The following SORCS3 variants were observed in gnomAD, a reference collection of about 807,000 sequenced individuals.
The protein encoded by SORCS3 is VPS10 domain-containing receptor SorCS3.
Under a neutral mutation model 146.3 loss-of-function variants are expected in SORCS3, and 57 were observed. The ratio of observed to expected loss-of-function variants is 0.39; its 90% confidence interval spans 0.31 to 0.49. The LOEUF (loss-of-function observed/expected upper bound fraction) is 0.49. SORCS3 is among the 20% of genes least tolerant of loss of function. The pLI is 0.92. For synonymous variants in SORCS3, 653 were observed against 618.5 expected, an observed-to-expected ratio of 1.06 and a Z score of -0.83; for missense variants, 1,341 against 1,575.5, an observed-to-expected ratio of 0.85 and a Z score of 2.52.
chr10:104,975,880 A>C (rs1011908237), intron 3 of SORCS3, among the ~76,000 whole-genome samples: 129 of 152,300 alleles, frequency 8.5e-4, no homozygotes, highest in Middle Eastern at 3.4e-3. Context: ...GAAACTGGAT[A>C]CCTTCCTTAC....
chr10:104,784,029 T>G (rs1319979106), intron 1 of SORCS3, among the ~76,000 whole-genome samples: 2 of 152,258 alleles, frequency 1.3e-5, no homozygotes, highest in African/African-American at 2.4e-5. Context: ...CTTGATCTGT[T>G]TCAGGATCTG....
At chr10:105,218,105 C>G (rs1020798878) in intron 19 of SORCS3, among the ~76,000 whole-genome samples, 1 of 152,156 alleles carries the variant, frequency 6.6e-6, no homozygotes, top group Non-Finnish European at 1.5e-5. Flanking sequence ...CCCTGGCAAA[C>G]AGTAAGCTAG....
At chr10:104,895,544 C>T (rs569582684) in intron 2 of SORCS3, among the ~76,000 whole-genome samples, 1 of 152,170 alleles carries the variant, frequency 6.6e-6, no homozygotes, top group African/African-American at 2.4e-5. Flanking sequence ...ACTGACTGCT[C>T]CAGCATCCCT....
intron 4 of SORCS3, among the ~76,000 whole-genome samples, chr10:104,995,177 T>TGGG (rs1554866140): frequency 6.2e-4 from 92 of 149,568 alleles, no homozygotes; most frequent in African/African-American, 2.2e-3. Flanking sequence ...TTTTTTTTTT[T>TGGG]GGGATGGAGT....
At chr10:105,078,882 G>T (rs570644766) in intron 5 of SORCS3, among the ~76,000 whole-genome samples, 1 of 152,288 alleles carries the variant, frequency 6.6e-6, no homozygotes, top group African/African-American at 2.4e-5. Context: ...CCAGGGTCTG[G>T]CTCTGGAATT....
rs148087085 is a variant in SORCS3 at position 105,003,365 on chromosome 10, A to T, written c.954+25872A>T. On this transcript the variant is annotated intron_variant, in intron 4 of 26. Transcript: ENST00000369701. ...ATGGCAGATAAAGGAGCTTAGTGGG[A>T]GACACAGCCCTTAGCCTTGCTCTTG... Among the ~76,000 whole-genome samples, 232 of 152,206 alleles carry T rather than the reference A, an allele frequency of 1.5e-3. 2 individuals carry two copies. Among genetic ancestry groups the T allele is most frequent in the African/African-American group, 5.4e-3 (224 of 41,544 alleles).
At chr10:104,842,758 C>G in intron 1 of SORCS3, 34 bp from the exon 2 acceptor site, 2 of 1,559,730 alleles carry the variant, frequency 1.3e-6, no homozygotes, top group Non-Finnish European at 1.8e-6. Context: ...TCCCTTTGTT[C>G]CTCTCCTTTG....
chr10:104,873,245 C>A (rs2018537449), intron 2 of SORCS3, among the ~76,000 whole-genome samples: 1 of 152,226 alleles, frequency 6.6e-6, no homozygotes, highest in Non-Finnish European at 1.5e-5. Flanking sequence ...TCATCCAGGA[C>A]CCATTTTTCC....
chr10:104,891,562 C>T (rs1050169834), intron 2 of SORCS3, among the ~76,000 whole-genome samples: 2 of 152,112 alleles, frequency 1.3e-5, no homozygotes, highest in African/African-American at 4.8e-5. Context: ...ACAAGGCTTA[C>T]TGAATTTGTT....
Position 104,949,066 on chromosome 10 carries a change from T to C in SORCS3, c.796-28269T>C, listed in dbSNP as rs1252957804. Among the ~76,000 whole-genome samples the C allele has an allele frequency of 3.3e-5, 5 of 152,150 alleles. No homozygotes were observed. The East Asian group carries it at 9.6e-4, about 29-fold the overall frequency. On this transcript the variant is annotated intron_variant, in intron 3 of 26. Transcript: ENST00000369701. ...ACACATCCATCCAGGTCTTCTCCAT[T>C]GTATGAATGACCAAGCTTTGGCAAT...
At chr10:104,940,713 T>C (rs2019312364) in intron 3 of SORCS3, among the ~76,000 whole-genome samples, 1 of 152,220 alleles carries the variant, frequency 6.6e-6, no homozygotes, top group East Asian at 1.9e-4. Context: ...TACGTGTGCA[T>C]GTGTCTTTTC....
At chr10:104,900,587 T>G (rs943845995) in intron 2 of SORCS3, among the ~76,000 whole-genome samples, 1 of 152,150 alleles carries the variant, frequency 6.6e-6, no homozygotes, top group Non-Finnish European at 1.5e-5. Flanking sequence ...TCCCCTCTTA[T>G]GCCCGTGTAA....
chr10:104,725,759 A>G (rs1013936031), intron 1 of SORCS3, among the ~76,000 whole-genome samples: 2 of 152,302 alleles, frequency 1.3e-5, no homozygotes, highest in East Asian at 1.9e-4. Context: ...CTCCGTGGGC[A>G]TAGGACCCGC....
chr10:105,005,851 A>G (rs1207414706), intron 4 of SORCS3, among the ~76,000 whole-genome samples: 1 of 152,202 alleles, frequency 6.6e-6, no homozygotes, highest in African/African-American at 2.4e-5. Context: ...CAACATGGAT[A>G]TCTTATAAAT....
chr10:105,051,582 C>T (rs544337371), intron 5 of SORCS3, among the ~76,000 whole-genome samples: 3 of 152,202 alleles, frequency 2.0e-5, no homozygotes, highest in Non-Finnish European at 2.9e-5. Context: ...AGTTAAGGAA[C>T]AGACAGAATA....
intron 7 of SORCS3, among the ~76,000 whole-genome samples, chr10:105,106,337 AC>A (rs1343420656): frequency 1.3e-5 from 2 of 152,086 alleles, no homozygotes; most frequent in African/African-American, 4.8e-5. Context: ...TCTCTACCTG[AC>A]CCCTGGTAGT....
intron 13 of SORCS3, among the ~76,000 whole-genome samples, chr10:105,176,807 A>G (rs1463019916): frequency 3.9e-5 from 6 of 152,056 alleles, no homozygotes; most frequent in Non-Finnish European, 7.4e-5. Context: ...GTGAGCCGAG[A>G]TCGTGTCACT....
At chr10:104,906,417 C>T (rs1440554981) in intron 2 of SORCS3, among the ~76,000 whole-genome samples, 1 of 152,184 alleles carries the variant, frequency 6.6e-6, no homozygotes, top group Non-Finnish European at 1.5e-5. Flanking sequence ...GGTTATGTAG[C>T]TATAACACAG....
Position 104,835,484 on chromosome 10 carries a change from G to T in SORCS3, c.628-7308G>T, listed in dbSNP as rs2018056159. 2.6e-5 allele frequency among the ~76,000 whole-genome samples: 4 copies of T among 152,152 alleles called. No individual in the cohort carries two copies. In the South Asian group the frequency reaches 8.3e-4, roughly 32 times the overall value. On this transcript the variant is annotated intron_variant, in intron 1 of 26. Transcript: ENST00000369701. ...CACCAAGATTTTAGGAAGGTTTAAT[G>T]AACTAAAGTAATTTTCCTTCAGAGT...
Sources: allele counts gnomAD v4.1 joint callset (sites outside exome capture counted in the v4.1 genomes callset), GRCh38; gene constraint gnomAD v4.1.1; transcripts MANE v1.5; gene names NCBI Gene and HGNC (gene_info 2026-07-23, HGNC 2026-07-21).